The following NF1 variants were observed in gnomAD, a reference collection of about 807,000 sequenced individuals.
The protein encoded by NF1 is neurofibromin.
NF1 carries 122 observed loss-of-function variants against 325.7 expected under a neutral mutation model. The observed-to-expected ratio is 0.37, with a 90% CI of 0.32 to 0.44. The LOEUF is 0.44. NF1 is among the 20% of genes least tolerant of loss of function. NF1 has a pLI of 1.00. For synonymous variants in NF1, 1,091 were observed against 1,186.0 expected, an observed-to-expected ratio of 0.92 and a Z score of 1.65; for missense variants, 2,140 against 3,415.4, an observed-to-expected ratio of 0.63 and a Z score of 9.31.
At chr17:31,319,030 G>T in intron 36 of NF1, 1 of 1,573,498 alleles carries the variant, frequency 6.4e-7, no homozygotes, top group Non-Finnish European at 8.6e-7. Flanking sequence ...CAATCTGTTG[G>T]GATAGCAATA....
chr17:31,277,625 G>T (rs1289801330), intron 36 of NF1, among the ~76,000 whole-genome samples: 6 of 152,048 alleles, frequency 3.9e-5, no homozygotes, highest in Admixed American at 1.3e-4. Context: ...CTTTCAGCTG[G>T]CCCATAGGGA....
intron 5 of NF1, among the ~76,000 whole-genome samples, chr17:31,175,156 A>AT (rs1470402592): frequency 6.6e-6 from 1 of 151,046 alleles, no homozygotes; most frequent in Non-Finnish European, 1.5e-5. Context: ...TACAGAAATA[A>AT]TTAGGGATAC....
chr17:31,283,319 A>T (rs2068158910), intron 36 of NF1, among the ~76,000 whole-genome samples: 1 of 151,844 alleles, frequency 6.6e-6, no homozygotes, highest in Non-Finnish European at 1.5e-5. Context: ...CGGGAGGCTG[A>T]GGCAGGAGAA....
intron 35 of NF1, among the ~76,000 whole-genome samples, chr17:31,263,074 GA>G (rs1567864087): frequency 5.1e-5 from 7 of 138,278 alleles, no homozygotes; most frequent in African/African-American, 1.7e-4. Context: ...TAGGTAGATA[GA>G]TAGGTAGGTA....
At chr17:31,223,782 G>A (rs1454176064) in intron 16 of NF1, among the ~76,000 whole-genome samples, 1 of 152,134 alleles carries the variant, frequency 6.6e-6, no homozygotes, top group Non-Finnish European at 1.5e-5. Flanking sequence ...CACTGTTGAT[G>A]AATTCTAGTT....
chr17:31,204,962 A>G (rs2905800), intron 11 of NF1, among the ~76,000 whole-genome samples: 86,184 of 151,922 alleles, frequency 0.57, 26,847 homozygotes, highest in Middle Eastern at 0.77. Flanking sequence ...TCATTTGTAG[A>G]AACTAGATTA....
chr17:31,162,654 A>G (rs1262324003), intron 3 of NF1, among the ~76,000 whole-genome samples: 1 of 152,214 alleles, frequency 6.6e-6, no homozygotes, highest in Non-Finnish European at 1.5e-5. Context: ...AAGAGATGCC[A>G]AGGCACATGG....
chr17:31,201,583 G>A (rs2066532092), intron 11 of NF1, 98 bp downstream of exon 11: 2 of 896,312 alleles, frequency 2.2e-6, no homozygotes, highest in East Asian at 4.9e-5. Context: ...TTTTCAAAAA[G>A]GTTCTGAATT....
chr17:31,286,916 C>T (rs186298286), intron 36 of NF1, among the ~76,000 whole-genome samples: 13 of 152,304 alleles, frequency 8.5e-5, no homozygotes, highest in African/African-American at 2.9e-4. Flanking sequence ...GACATTCATT[C>T]GAATTCCCTC....
chr17:31,271,501 CAGCACTTTGGGA>C (rs541207673), intron 36 of NF1, among the ~76,000 whole-genome samples: 2 of 152,300 alleles, frequency 1.3e-5, no homozygotes, highest in South Asian at 4.1e-4. Context: ...CCTGTAATCT[CAGCACTTTGGGA>C]AGCCAAGGCG....
intron 35 of NF1, among the ~76,000 whole-genome samples, 171 bp downstream of exon 35, chr17:31,262,028 GTT>G (rs2067695362): frequency 6.6e-6 from 1 of 152,024 alleles, no homozygotes; most frequent in Non-Finnish European, 1.5e-5. Context: ...TATAGGGTGT[GTT>G]TTATTTTATA....
At chr17:31,163,473 GT>G (rs1371745118) in intron 4 of NF1, 97 bp downstream of exon 4, 4 of 1,363,906 alleles carry the variant, frequency 2.9e-6, no homozygotes, top group African/African-American at 2.9e-5. Flanking sequence ...TGGAAATGAG[GT>G]TTTTTTGTTT....
chr17:31,283,186 G>A (rs897822316), intron 36 of NF1, among the ~76,000 whole-genome samples: 5 of 152,084 alleles, frequency 3.3e-5, no homozygotes, highest in Non-Finnish European at 5.9e-5. Flanking sequence ...GGGAGGCCGA[G>A]GCGGGCGGAT....
chr17:31,182,860 A>C (rs2066163087), intron 8 of NF1, 195 bp downstream of exon 8: 1 of 616,140 alleles, frequency 1.6e-6, no homozygotes, highest in Non-Finnish European at 2.9e-6. Flanking sequence ...GAGGGAAAAT[A>C]ATACCAGGCA....
intron 46 of NF1, 108 bp downstream of exon 46, chr17:31,338,913 G>A: frequency 1.3e-6 from 1 of 778,350 alleles, no homozygotes; most frequent in Admixed American, 2.2e-5. Flanking sequence ...AAGTTATAAA[G>A]AAAAAACTAT....
chr17:31,358,898 G>T, intron 55 of NF1, 71 bp from the exon 56 acceptor site: 1 of 1,343,608 alleles, frequency 7.4e-7, no homozygotes, highest in South Asian at 1.2e-5. Context: ...TCAGCTATAT[G>T]ACTTATTTAA....
In NF1 at chr17:31,350,261, C is replaced by T. The variant is rs1555536135; in HGVS notation, c.7400C>T (p.Ser2467Leu). 6.2e-7 allele frequency: 1 copy of T among 1,613,526 alleles called. No individual in the cohort carries two copies. Among genetic ancestry groups the T allele is most frequent in the Non-Finnish European group, 8.5e-7 (1 of 1,179,536 alleles). ...AAGTCACTTCTTCTTACTGATATTT[C>T]AATGGAAAATGTTCCTATGGATACA... is the stretch of plus-strand genomic sequence containing the variant. ...HRKSLLLTDI[S>L]MENVPMDTYP... The change falls in exon 50 of 58, where the codon TCA (serine) becomes TTA (leucine). Residue 2467 changes from serine (S) to leucine (L), a missense_variant. Transcript: ENST00000358273.
At chr17:31,097,326 C>A (rs1463065669) in intron 1 of NF1, among the ~76,000 whole-genome samples, 1 of 151,828 alleles carries the variant, frequency 6.6e-6, no homozygotes. Flanking sequence ...GGCATGGTGG[C>A]GGGCGCCTGT....
chr17:31,348,738 T>A (rs945990362), intron 48 of NF1, among the ~76,000 whole-genome samples: 31 of 139,078 alleles, frequency 2.2e-4, no homozygotes, highest in South Asian at 7.1e-4. Context: ...AAAAAAAAAA[T>A]GTTTTTGTAA....
Sources: gnomAD v4.1 joint callset for allele counts (sites outside exome capture counted in the v4.1 genomes callset) on GRCh38, gnomAD v4.1.1 for gene constraint, MANE v1.5 for transcripts, NCBI Gene and HGNC (gene_info 2026-07-23, HGNC 2026-07-21) for gene names.